Variants in KIF1A observed in about 807,000 individuals in gnomAD.
KIF1A encodes kinesin-like protein KIF1A.
Under a neutral mutation model 227.3 loss-of-function variants are expected in KIF1A, and 46 were observed. The observed-to-expected ratio is 0.20, with a 90% CI of 0.16 to 0.26. The LOEUF is 0.26. KIF1A is among the 10% of genes least tolerant of loss of function. The pLI is 1.00. For synonymous variants in KIF1A, 1,022 were observed against 1,012.8 expected (o/e 1.01, Z -0.17); for missense variants, 1,683 against 2,485.9 (o/e 0.68, Z 6.87).
rs115096313 is a variant in KIF1A, at chr2:240,814,219, G to A, written c.-61+5903C>T. Among the ~76,000 whole-genome samples the A allele has an allele frequency of 4.8e-3, 732 of 152,020 alleles. 2 individuals carry two copies. The highest frequency in any genetic ancestry group is 0.016 in the African/African-American group (662 of 41,482). On this transcript the variant is annotated intron_variant, in intron 1 of 48. Transcript: ENST00000498729. ...GGGCCCACCGAGTGCCAATAAATGCGAACCCCATCCTTACACCCGTCGACA... is the reference window on the plus strand; with the variant it reads ...GGGCCCACCGAGTGCCAATAAATGCAAACCCCATCCTTACACCCGTCGACA...
At chr2:240,762,440 T>C (rs1013915156) in intron 23 of KIF1A, among the ~76,000 whole-genome samples, 1 of 152,234 alleles carries the variant, frequency 6.6e-6, no homozygotes, top group African/African-American at 2.4e-5. Context: ...AGCATGTGTG[T>C]GCACGTGTGT....
At position 240,782,088 on chromosome 2, in the gene KIF1A, G is replaced by A. The variant is rs144861006; in HGVS notation, c.882+502C>T. 2.8e-3 allele frequency: 2,738 copies of A among 985,300 alleles called. 71 individuals are homozygous for A. In the African/African-American group the frequency reaches 0.043, roughly 15 times the overall value. The allele number at this position is 985,300 out of a possible 1,614,324, so 61.0% of individuals were successfully genotyped here. A position where few individuals can be genotyped will look rare whatever the true frequency, so the allele number is the denominator to read the frequency against. ...CTCGAACGCTTTCACGGCTGCCCAC[G>A]CGGTTCCTCACACAGTCCCCAGCGT... On this transcript the variant is annotated intron_variant, in intron 10 of 48. Transcript: ENST00000498729.
chr2:240,723,270 T>C (rs1348162056), intron 42 of KIF1A, 143 bp downstream of exon 42: 1 of 723,248 alleles, frequency 1.4e-6, no homozygotes, highest in Admixed American at 3.0e-5. Flanking sequence ...CATCACATGC[T>C]CCTCCTGCAG....
intron 22 of KIF1A, 73 bp downstream of exon 22, chr2:240,762,946 G>T (rs377502986): frequency 7.3e-7 from 1 of 1,365,248 alleles, no homozygotes; most frequent in Non-Finnish European, 9.8e-7. Context: ...AGGGAGGAGT[G>T]GGGGCGTGGG....
rs1023849292 is a variant in KIF1A, at chr2:240,816,172, A to C, written c.-61+3950T>G. On this transcript the variant is annotated intron_variant, in intron 1 of 48. Transcript: ENST00000498729. ...AGAGTGTGTGTGTGTGTGTGTGTCT[A>C]TCTGCATGCATGCATGTGTGTATGC... is the stretch of plus-strand genomic sequence containing the variant. 2.5e-4 allele frequency among the ~76,000 whole-genome samples: 29 copies of C among 116,132 alleles called. 1 individual carries two copies. The highest frequency in any genetic ancestry group is 8.6e-4 in the African/African-American group (27 of 31,416). 76.2% of individuals were successfully genotyped at this position (116,132 alleles called of 152,430 possible).
At position 240,758,535 on chromosome 2, in the gene KIF1A, A is replaced by G. The variant is rs1305790863; in HGVS notation, c.2445-38T>C. The G allele has an allele frequency of 2.0e-6, 3 of 1,504,474 alleles. No individual in the cohort carries two copies. The highest frequency in any genetic ancestry group is 2.2e-5 in the Admixed American group (1 of 46,382). The allele number at this position is 1,504,474 out of a possible 1,614,324, so 93.2% of individuals were successfully genotyped here. ...CAGGGGTCAATGTGGACCCAGGCCC[A>G]GCGCTCAGCAGCTGGCACCGCACAC... On this transcript the variant is annotated intron_variant, in intron 25 of 48. Coordinates refer to ENST00000498729, the MANE Select transcript of KIF1A (RefSeq NM_001244008.2). The surrounding 1 kb of genome is among the most constrained non-coding windows in gnomAD (Gnocchi z 5.2).
Position 240,792,181 on chromosome 2 carries a change from G to A in KIF1A, c.107-2869C>T, listed in dbSNP as rs1312520544. ...GCAACACCTCCCAGCCCTGAGGTCC[G>A]CCAGGCCTGTGGAGACAGGCAGCCC... On this transcript the variant is annotated intron_variant, in intron 2 of 48. Coordinates refer to ENST00000498729, the MANE Select transcript of KIF1A (RefSeq NM_001244008.2). The surrounding 1 kb of genome is among the most constrained non-coding windows in gnomAD (Gnocchi z 4.5). 3.3e-5 allele frequency among the ~76,000 whole-genome samples: 5 copies of A among 152,152 alleles called. No homozygotes were observed. The highest frequency in any genetic ancestry group is 6.5e-5 in the Admixed American group (1 of 15,300).
rs777313590 is a variant in KIF1A, at chr2:240,751,001, T to C, written c.2859-454A>G. On this transcript the variant is annotated intron_variant, in intron 27 of 48. Coordinates refer to ENST00000498729, the MANE Select transcript of KIF1A (RefSeq NM_001244008.2). ...ATGCTCACGGACCCCGCAGAACCCC[T>C]TCCCCAGACAGAAACTCGGCAGGTG... Among the ~76,000 whole-genome samples, 128 of 152,128 alleles carry C rather than the reference T, an allele frequency of 8.4e-4. 2 individuals are homozygous for C. The highest frequency in any genetic ancestry group is 7.4e-4 in the Non-Finnish European group (50 of 67,982).
chr2:240,756,909 C>T (rs1207621864), intron 27 of KIF1A, among the ~76,000 whole-genome samples: 2 of 152,228 alleles, frequency 1.3e-5, no homozygotes, highest in Non-Finnish European at 2.9e-5. Context: ...GCGGCTGGCC[C>T]TCACCTATCA....
intron 38 of KIF1A, chr2:240,728,373 GAA>G: frequency 7.7e-7 from 1 of 1,298,702 alleles, no homozygotes; most frequent in Non-Finnish European, 1.0e-6. Flanking sequence ...GGGCGGAAGA[GAA>G]AAGTGAGCTG....
intron 1 of KIF1A, among the ~76,000 whole-genome samples, chr2:240,809,703 C>G (rs1454579243): frequency 6.9e-6 from 1 of 144,976 alleles, no homozygotes; most frequent in African/African-American, 2.6e-5. Flanking sequence ...GAGTCTCACT[C>G]TGTCGCCCAG....
At chr2:240,755,134 ACCCAC>A (rs1353672196) in intron 27 of KIF1A, among the ~76,000 whole-genome samples, 2 of 152,084 alleles carry the variant, frequency 1.3e-5, no homozygotes, top group African/African-American at 4.8e-5. Context: ...GTGGTCACCA[ACCCAC>A]CTGCCTCCCC....
chr2:240,815,652 ACT>A (rs1239564615), intron 1 of KIF1A, among the ~76,000 whole-genome samples: 2 of 151,932 alleles, frequency 1.3e-5, no homozygotes, highest in Non-Finnish European at 2.9e-5. Context: ...CTGAGTCTTC[ACT>A]CTGTGTGAGG....
At chr2:240,733,205 G>T (rs972899989) in intron 38 of KIF1A, among the ~76,000 whole-genome samples, 2 of 152,002 alleles carry the variant, frequency 1.3e-5, no homozygotes, top group Non-Finnish European at 2.9e-5. Context: ...CCCCACCAAT[G>T]GCACAGCAAT....
Position 240,763,422 on chromosome 2 carries a change from G to A in KIF1A, c.1769-76C>T. On this transcript the variant is annotated intron_variant, in intron 20 of 48. Coordinates refer to ENST00000498729, the MANE Select transcript of KIF1A (RefSeq NM_001244008.2). ...CTGATGGTCTCAAGCGGGGAGGCGT[G>A]AGGAGAAAGGGGAACGGGTGCAGGC... 1.2e-5 allele frequency: 16 copies of A among 1,389,626 alleles called. No homozygotes were observed. In the South Asian group the frequency reaches 2.0e-4, roughly 18 times the overall value. 86.1% of individuals were successfully genotyped at this position (1,389,626 alleles called of 1,614,324 possible). A position where few individuals can be genotyped will look rare whatever the true frequency, so the allele number is the denominator to read the frequency against.
intron 1 of KIF1A, among the ~76,000 whole-genome samples, chr2:240,804,205 G>A (rs1024682646): frequency 3.9e-5 from 6 of 152,240 alleles, no homozygotes; most frequent in African/African-American, 1.4e-4. Context: ...AGCAGAGGTT[G>A]CAGTGAGCCA....
At chr2:240,776,296 C>G (rs544938968) in intron 10 of KIF1A, among the ~76,000 whole-genome samples, 10 of 152,230 alleles carry the variant, frequency 6.6e-5, no homozygotes, top group Admixed American at 3.3e-4. Context: ...GGCCCCTCCT[C>G]GAACACCATC....
chr2:240,764,832 C>A (rs2050956226), intron 20 of KIF1A, among the ~76,000 whole-genome samples: 1 of 152,124 alleles, frequency 6.6e-6, no homozygotes, highest in Non-Finnish European at 1.5e-5. Flanking sequence ...TAAGAGCAAA[C>A]TGGGGCTTCC....
chr2:240,781,440 C>G (rs1452756041), intron 10 of KIF1A, among the ~76,000 whole-genome samples: 2 of 48,508 alleles, frequency 4.1e-5, no homozygotes, highest in Non-Finnish European at 7.2e-5. Flanking sequence ...TCCACACACA[C>G]ACACACACAC....
Sources: gnomAD v4.1 joint callset for allele counts (sites outside exome capture counted in the v4.1 genomes callset) on GRCh38, gnomAD v4.1.1 for gene constraint, Gnocchi (gnomAD v3.1) non-coding constraint, MANE v1.5 for transcripts, NCBI Gene and HGNC (gene_info 2026-07-23, HGNC 2026-07-21) for gene names.